Variants in KCNH1 observed in about 807,000 individuals in gnomAD.
The protein encoded by KCNH1 is voltage-gated delayed rectifier potassium channel KCNH1.
KCNH1 carries 27 observed loss-of-function variants against 69.2 expected under a neutral mutation model. That is an observed-to-expected ratio of 0.39 (90% CI 0.29 to 0.54). KCNH1 has a LOEUF of 0.54. KCNH1 is among the 20% of genes least tolerant of loss of function. KCNH1 has a pLI of 0.68. For missense variants in KCNH1, 798 were observed against 1,261.6 expected (o/e 0.63, Z 5.57); for synonymous variants, 456 against 487.7 (o/e 0.93, Z 0.86).
In KCNH1 at chr1:210,949,744, C is replaced by T. The variant is rs183298978; in HGVS notation, c.1033-29675G>A. Among the ~76,000 whole-genome samples, 115 of 152,258 alleles carry T rather than the reference C, an allele frequency of 7.6e-4. 1 individual carries two copies. In the Middle Eastern group the frequency reaches 0.017, roughly 23 times the overall value. ...TGATCTGCCACAATTAGCTATATCG[C>T]CCATTATAATTGTTCATCTGGTCAT... On this transcript the variant is annotated intron_variant, in intron 6 of 10. Coordinates refer to ENST00000271751, the MANE Select transcript of KCNH1 (RefSeq NM_172362.3).
At chr1:210,947,333 G>T (rs1687975832) in intron 6 of KCNH1, among the ~76,000 whole-genome samples, 1 of 152,016 alleles carries the variant, frequency 6.6e-6, no homozygotes, top group African/African-American at 2.4e-5. Flanking sequence ...ACTTTGGGAG[G>T]CCGAGGCGGG....
intron 4 of KCNH1, among the ~76,000 whole-genome samples, chr1:211,089,211 A>C (rs1691009714): frequency 6.6e-6 from 1 of 152,230 alleles, no homozygotes; most frequent in South Asian, 2.1e-4. Flanking sequence ...TTAAAAAAGC[A>C]ACTGGCCTTT....
chr1:211,107,159 G>A, intron 2 of KCNH1, 95 bp downstream of exon 2: 1 of 1,364,284 alleles, frequency 7.3e-7, no homozygotes, highest in Non-Finnish European at 1.0e-6. Context: ...CACACTAAAT[G>A]AGGTAAAGGC....
chr1:210,683,238 G>C lies in KCNH1; in HGVS notation c.*43C>G, dbSNP rs539777684. 1.1e-5 allele frequency: 18 copies of C among 1,578,676 alleles called. No homozygotes were observed. On this transcript the variant is annotated 3_prime_UTR_variant, in exon 11 of 11. Transcript: ENST00000271751. This position sits in a 1 kb window ranked among gnomAD's most constrained non-coding sequence, Gnocchi z 5.7. ...GTGGTAGGGGTGGTGGTGACGGCAG[G>C]GTTGGAGGTATCTGTCTCTGACTTT...
intron 7 of KCNH1, chr1:210,860,961 A>C: frequency 1.0e-6 from 1 of 977,144 alleles, no homozygotes; most frequent in Non-Finnish European, 1.7e-6. Context: ...GAAGTGTTTC[A>C]GCTAAAGAGC....
intron 6 of KCNH1, among the ~76,000 whole-genome samples, chr1:210,978,509 C>T (rs1249697986): frequency 6.6e-6 from 1 of 151,944 alleles, no homozygotes; most frequent in Non-Finnish European, 1.5e-5. Flanking sequence ...CTTTGTAAGC[C>T]TCATCATGTT....
intron 1 of KCNH1, among the ~76,000 whole-genome samples, chr1:211,123,653 AG>A (rs1376069870): frequency 1.3e-5 from 2 of 152,202 alleles, no homozygotes; most frequent in African/African-American, 4.8e-5. Flanking sequence ...AGATGGAGAA[AG>A]GAGAGGAGAG....
At chr1:211,036,360 G>A (rs1438474127) in intron 5 of KCNH1, among the ~76,000 whole-genome samples, 1 of 152,168 alleles carries the variant, frequency 6.6e-6, no homozygotes, top group Non-Finnish European at 1.5e-5. Context: ...GACTCAGATA[G>A]GACAAATGTA....
At chr1:211,112,083 T>C (rs1389022973) in intron 1 of KCNH1, among the ~76,000 whole-genome samples, 9 of 128,034 alleles carry the variant, frequency 7.0e-5, no homozygotes, top group Admixed American at 1.5e-4. Flanking sequence ...CTGGCCGCTG[T>C]ACTGTCTGGG....
intron 10 of KCNH1, among the ~76,000 whole-genome samples, chr1:210,765,228 G>T (rs1265672485): frequency 6.6e-6 from 1 of 151,948 alleles, no homozygotes. Context: ...GGTACAGAAG[G>T]GTCCAAAACT....
intron 7 of KCNH1, among the ~76,000 whole-genome samples, chr1:210,878,953 C>T (rs547854705): frequency 3.9e-4 from 60 of 151,944 alleles, no homozygotes; most frequent in Non-Finnish European, 4.9e-4. Context: ...GAGTACATCA[C>T]TACAGACCTC....
intron 6 of KCNH1, among the ~76,000 whole-genome samples, chr1:211,010,946 G>A (rs1689379611): frequency 6.6e-6 from 1 of 152,098 alleles, no homozygotes; most frequent in African/African-American, 2.4e-5. Flanking sequence ...AGACACAGCA[G>A]CTGAGTGAGT....
At chr1:211,019,452 T>G (rs4951704) in intron 5 of KCNH1, among the ~76,000 whole-genome samples, 196 bp from the exon 6 acceptor site, 3 of 152,088 alleles carry the variant, frequency 2.0e-5, no homozygotes, top group African/African-American at 7.2e-5. Flanking sequence ...CAATTACAAA[T>G]TACTATTTGG....
At chr1:210,925,992 C>G (rs1262831886) in intron 6 of KCNH1, among the ~76,000 whole-genome samples, 1 of 152,240 alleles carries the variant, frequency 6.6e-6, no homozygotes, top group Non-Finnish European at 1.5e-5. Flanking sequence ...AAAACACAAC[C>G]TCACACCTGT....
intron 6 of KCNH1, among the ~76,000 whole-genome samples, chr1:210,996,978 A>G (rs1689056667): frequency 1.3e-5 from 2 of 152,350 alleles, no homozygotes; most frequent in South Asian, 4.1e-4. Flanking sequence ...AAACTAACAA[A>G]CAGAAAAGAC....
chr1:211,018,952 C>A lies in KCNH1; in HGVS notation c.863G>T (p.Arg288Leu). ...GEVISDPKLI[R>L]MNYLKTWFVI... ...AAACCACGTCTTCAGGTAGTTCATG[C>A]GGATAAGTTTGGGGTCAGAAATCAC... is the stretch of plus-strand genomic sequence containing the variant. The change falls in exon 6 of 11, where the codon CGC becomes CTC. Residue 288 changes from arginine to leucine, a missense_variant. Coordinates refer to ENST00000271751, the MANE Select transcript of KCNH1 (RefSeq NM_172362.3). 6.2e-7 allele frequency: 1 copy of A among 1,613,984 alleles called. No homozygotes were observed. The highest frequency in any genetic ancestry group is 8.5e-7 in the Non-Finnish European group (1 of 1,179,956).
chr1:210,913,406 G>C (rs1687275301), intron 7 of KCNH1, among the ~76,000 whole-genome samples: 1 of 151,636 alleles, frequency 6.6e-6, no homozygotes, highest in East Asian at 1.9e-4. Context: ...ACTGGGAAGA[G>C]CAAGAAACAA....
chr1:210,867,240 C>T (rs947355331), intron 7 of KCNH1, among the ~76,000 whole-genome samples: 1 of 151,440 alleles, frequency 6.6e-6, no homozygotes, highest in South Asian at 2.1e-4. Flanking sequence ...TTGAATTGTA[C>T]ATTTTAATTA....
intron 10 of KCNH1, among the ~76,000 whole-genome samples, chr1:210,772,136 A>G (rs1179351786): frequency 1.3e-5 from 2 of 152,170 alleles, no homozygotes; most frequent in African/African-American, 2.4e-5. Flanking sequence ...TTTCATCCCA[A>G]CCCAGCTCTG....
Sources: gnomAD v4.1 joint callset for allele counts (sites outside exome capture counted in the v4.1 genomes callset) on GRCh38, gnomAD v4.1.1 for gene constraint, Gnocchi (gnomAD v3.1) non-coding constraint, MANE v1.5 for transcripts, NCBI Gene and HGNC (gene_info 2026-07-23, HGNC 2026-07-21) for gene names.